RFESD: variants seen among roughly 807,000 people sequenced by gnomAD.
RFESD encodes Rieske Fe-S domain containing.
A neutral mutation model predicts 24.4 loss-of-function variants in RFESD; 16 were observed. That is an observed-to-expected ratio of 0.66 (90% CI 0.44 to 1.00). The LOEUF (loss-of-function observed/expected upper bound fraction) is 1.00, where lower values mean the gene tolerates loss of function less well. RFESD is among the 50% of genes least tolerant of loss of function. RFESD has a pLI of 0.00. For missense variants in RFESD, 208 were observed against 247.0 expected (o/e 0.84, Z 1.06); for synonymous variants, 59 against 81.8 (o/e 0.72, Z 1.50).
rs2112531116 is a variant in RFESD at position 95,657,088 on chromosome 5, C to CA, written c.*781dup. ...ATGTAAAGTCTCCTATTCAGTGAGCCAATGTTCTTTGAATGCCTATATGAA... is the reference window on the plus strand; with the variant it reads ...ATGTAAAGTCTCCTATTCAGTGAGCCAAATGTTCTTTGAATGCCTATATGAA... On this transcript the variant is annotated 3_prime_UTR_variant, in exon 6 of 6. Transcript: ENST00000380005. 6.6e-6 allele frequency: 1 copy of CA among 152,180 alleles called. No homozygotes were observed. The highest frequency in any genetic ancestry group is 6.5e-5 in the Admixed American group (1 of 15,280). The allele number at this position is 152,180 out of a possible 1,614,324, so 9.4% of individuals were successfully genotyped here.
At chr5:95,654,019 A>G in intron 3 of RFESD, 42 bp from the exon 4 acceptor site, 1 of 1,562,824 alleles carries the variant, frequency 6.4e-7, no homozygotes, top group Non-Finnish European at 8.7e-7. Flanking sequence ...GAACCAAATT[A>G]GTGAATACTT....
chr5:95,654,026 ACTT>A, intron 3 of RFESD, 32 bp from the exon 4 acceptor site: 1 of 1,582,706 alleles, frequency 6.3e-7, no homozygotes, highest in Non-Finnish European at 8.6e-7. Flanking sequence ...ATTAGTGAAT[ACTT>A]CTTGTAACTT....
At chr5:95,653,301 T>C in intron 3 of RFESD, 87 bp downstream of exon 3, 1 of 1,522,036 alleles carries the variant, frequency 6.6e-7, no homozygotes, top group South Asian at 1.3e-5. Context: ...AACTGTGTAC[T>C]CCAGGCAAAA....
chr5:95,652,781 A>G (rs1018296788), intron 2 of RFESD: 3 of 290,316 alleles, frequency 1.0e-5, no homozygotes, highest in African/African-American at 4.4e-5. Flanking sequence ...TACTGTTGTT[A>G]TTACTTTTTA....
rs956127123 is a variant in RFESD, at chr5:95,653,169, G to A, written c.113G>A (p.Gly38Glu). The change falls in exon 3 of 6, where the codon GGG (glycine) becomes GAG (glutamate). Residue 38 changes from glycine (G) to glutamate (E), a missense_variant. Physicochemically the swap from Gly to Glu is moderately conservative, Grantham distance 98 (BLOSUM62 -2). Coordinates refer to ENST00000380005, the MANE Select transcript of RFESD (RefSeq NM_001131066.2). ...LLACLVHLHF[G>E]HFSSAVISVT... ...GCATGTCTAGTTCATTTGCATTTTG[G>A]GCATTTCAGCTCAGCTGTCATCTCA... The A allele has an allele frequency of 3.2e-6, 5 of 1,551,540 alleles. No individual in the cohort carries two copies. Among genetic ancestry groups the A allele is most frequent in the Non-Finnish European group, 4.4e-6 (5 of 1,146,956 alleles).
In RFESD at chr5:95,656,236, C is replaced by T. The variant is rs768237751; in HGVS notation, c.560C>T (p.Ser187Phe). ...AACGGAAATATTTATGTGACTCTTT[C>T]TAATGAACCTTTTAAGTGTGACTCT... ...VDNGNIYVTL[S>F]NEPFKCDSDF... The change falls in exon 6 of 6, where the codon TCT becomes TTT. Residue 187 changes from serine (S) to phenylalanine (F), a missense_variant. Physicochemically the swap from Ser to Phe is radical, Grantham distance 155. Coordinates refer to ENST00000380005, the MANE Select transcript of RFESD (RefSeq NM_001131066.2). 1.2e-6 allele frequency: 2 copies of T among 1,613,460 alleles called. No homozygotes were observed. The highest frequency in any genetic ancestry group is 1.3e-5 in the African/African-American group (1 of 75,026).
In RFESD at chr5:95,656,252, G is replaced by A. The variant is rs746838760; in HGVS notation, c.576G>A (p.Lys192=). 1.2e-6 allele frequency: 2 copies of A among 1,613,428 alleles called. No individual in the cohort carries two copies. Among genetic ancestry groups the A allele is most frequent in the South Asian group, 1.1e-5 (1 of 91,058 alleles). The change falls in exon 6 of 6, where the codon AAG becomes AAA. Residue 192 remains lysine (K), a synonymous_variant. Transcript: ENST00000380005. ...IYVTLSNEPF[K]CDSDFYATGD... is the part of the protein sequence containing the mutation. ...TGACTCTTTCTAATGAACCTTTTAA[G>A]TGTGACTCTGATTTTTATGCCACTG...
At chr5:95,648,516 A>G (rs1187708466) in intron 1 of RFESD, among the ~76,000 whole-genome samples, 2 of 152,240 alleles carry the variant, frequency 1.3e-5, no homozygotes, top group African/African-American at 2.4e-5. Context: ...GATATTCACA[A>G]TAGTAAGAAT....
intron 5 of RFESD, 81 bp from the exon 6 acceptor site, chr5:95,655,965 G>T: frequency 7.5e-7 from 1 of 1,338,910 alleles, no homozygotes; most frequent in Non-Finnish European, 1.0e-6. Context: ...TTTTAACCTG[G>T]TTCTTCTGCA....
intron 1 of RFESD, chr5:95,648,139 A>C (rs186797547): frequency 3.9e-4 from 59 of 152,336 alleles, no homozygotes; most frequent in African/African-American, 1.4e-3. Context: ...AGTTACACTA[A>C]ATATTTTTTT....
chr5:95,656,409 C>T lies in RFESD; in HGVS notation c.*100C>T, dbSNP rs1750765032. 10 of 877,242 alleles carry T rather than the reference C, an allele frequency of 1.1e-5. No homozygotes were observed. The highest frequency in any genetic ancestry group is 1.7e-5 in the South Asian group (1 of 57,962). 54.3% of individuals were successfully genotyped at this position (877,242 alleles called of 1,614,324 possible). A position where few individuals can be genotyped will look rare whatever the true frequency, so the allele number is the denominator to read the frequency against. ...AGGTGATGAAATTTTTCAACATAGG[C>T]ACAACTGTTTAAAATTCACATACAT... On this transcript the variant is annotated 3_prime_UTR_variant, in exon 6 of 6. Coordinates refer to ENST00000380005, the MANE Select transcript of RFESD (RefSeq NM_001131066.2).
At chr5:95,650,307 T>C (rs1311552800) in intron 1 of RFESD, among the ~76,000 whole-genome samples, 2 of 152,186 alleles carry the variant, frequency 1.3e-5, no homozygotes, top group African/African-American at 4.8e-5. Flanking sequence ...AAGTTTGATG[T>C]GTGTAATGCC....
chr5:95,655,951 G>GT (rs1750729136), intron 5 of RFESD, 95 bp from the exon 6 acceptor site: 4 of 1,204,642 alleles, frequency 3.3e-6, no homozygotes, highest in African/African-American at 1.5e-5. Context: ...AAGCTAACCT[G>GT]TTTTTTTAAC....
intron 5 of RFESD, among the ~76,000 whole-genome samples, chr5:95,655,104 C>G (rs1000510938): frequency 1.3e-5 from 2 of 152,092 alleles, no homozygotes; most frequent in African/African-American, 4.8e-5. Context: ...ATTCCACTCT[C>G]TCTACACTTG....
intron 2 of RFESD, 80 bp from the exon 3 acceptor site, chr5:95,653,037 C>A: frequency 6.5e-7 from 1 of 1,529,678 alleles, no homozygotes; most frequent in South Asian, 1.2e-5. Flanking sequence ...ACCAATCTTG[C>A]ATATTATGTT....
At chr5:95,647,400 C>G (rs1750151058) in intron 1 of RFESD, 2 of 152,182 alleles carry the variant, frequency 1.3e-5, no homozygotes, top group Non-Finnish European at 2.9e-5. Flanking sequence ...GTGCTTTACC[C>G]ACACCCCTAT....
At chr5:95,652,677 G>C (rs1256212740) in intron 2 of RFESD, 1 of 242,874 alleles carries the variant, frequency 4.1e-6, no homozygotes, top group African/African-American at 2.2e-5. Context: ...TACCTTTTTA[G>C]TAACATGGAG....
At position 95,653,111 on chromosome 5, in the gene RFESD, T is replaced by C; in HGVS notation, c.61-6T>C. 1.3e-6 allele frequency: 2 copies of C among 1,551,604 alleles called. No homozygotes were observed. The highest frequency in any genetic ancestry group is 1.7e-6 in the Non-Finnish European group (2 of 1,146,964). On this transcript the variant is annotated splice_polypyrimidine_tract_variant and splice_region_variant and intron_variant, in intron 2 of 5. Transcript: ENST00000380005. ...CTTCAGGCTTTTGTATTTGCTCTTC[T>C]TTCAGTATGGAATTCTCTTCCCCAA... is the stretch of plus-strand genomic sequence containing the variant.
chr5:95,654,532 A>G (rs530651985), intron 5 of RFESD, among the ~76,000 whole-genome samples, 165 bp downstream of exon 5: 27 of 152,340 alleles, frequency 1.8e-4, no homozygotes, highest in Admixed American at 1.4e-3. Flanking sequence ...CCTAGCAATT[A>G]TACTCTATAT....
Sources: allele counts gnomAD v4.1 joint callset (sites outside exome capture counted in the v4.1 genomes callset), GRCh38; gene constraint gnomAD v4.1.1; transcripts MANE v1.5; gene names NCBI Gene and HGNC (gene_info 2026-07-23, HGNC 2026-07-21).